The following POC1A variants were observed in gnomAD, a reference collection of about 807,000 sequenced individuals.
POC1A encodes POC1 centriolar protein homolog A.
A neutral mutation model predicts 47.8 loss-of-function variants in POC1A; 34 were observed. The observed-to-expected ratio is 0.71, with a 90% CI of 0.54 to 0.95. The LOEUF (loss-of-function observed/expected upper bound fraction) is 0.95. Ranked by LOEUF, POC1A falls within the 40% of genes least tolerant of loss-of-function variation. The pLI, the probability that POC1A is intolerant of heterozygous loss-of-function variation, is 0.00. For synonymous variants in POC1A, 177 were observed against 207.6 expected (o/e 0.85, Z 1.27); for missense variants, 466 against 528.3 (o/e 0.88, Z 1.16).
At chr3:52,110,432 G>A (rs780199605) in intron 9 of POC1A, among the ~76,000 whole-genome samples, 23 of 152,194 alleles carry the variant, frequency 1.5e-4, no homozygotes, top group Non-Finnish European at 2.5e-4. Flanking sequence ...TCAGACTTAA[G>A]CGACAGGTTT....
In POC1A at chr3:52,094,691, G is replaced by A. The variant is rs565352355; in HGVS notation, c.1125+1878C>T. On this transcript the variant is annotated intron_variant, in intron 10 of 10. Transcript: ENST00000296484. ...ATTGAGTCCGTCAAGAACATGCCTC[G>A]CTTTATGGCATCCAGAAACACACAG... 2.0e-5 allele frequency among the ~76,000 whole-genome samples: 3 copies of A among 152,332 alleles called. No individual in the cohort carries two copies. The East Asian group carries it at 5.8e-4, about 29-fold the overall frequency.
intron 3 of POC1A, 95 bp from the exon 4 acceptor site, chr3:52,149,484 C>A: frequency 8.2e-7 from 1 of 1,212,834 alleles, no homozygotes; most frequent in South Asian, 1.3e-5. Context: ...AAGCACCCCT[C>A]CCAAAGTCAG....
intron 4 of POC1A, among the ~76,000 whole-genome samples, chr3:52,148,360 T>C (rs1446724779): frequency 1.3e-5 from 2 of 152,124 alleles, no homozygotes; most frequent in Non-Finnish European, 2.9e-5. Context: ...TGGAGAACAG[T>C]AACTTGTATG....
At chr3:52,099,775 CA>C (rs1277576743) in intron 9 of POC1A, among the ~76,000 whole-genome samples, 6 of 152,108 alleles carry the variant, frequency 3.9e-5, no homozygotes, top group Non-Finnish European at 2.9e-5. Context: ...CACTTGAACC[CA>C]GGAGGTGGAG....
At chr3:52,129,108 C>T (rs1176714526) in intron 7 of POC1A, among the ~76,000 whole-genome samples, 1 of 151,978 alleles carries the variant, frequency 6.6e-6, no homozygotes, top group East Asian at 1.9e-4. Context: ...GGCGAAACCC[C>T]ATCTCTACTA....
At chr3:52,099,818 T>G (rs1577833969) in intron 9 of POC1A, among the ~76,000 whole-genome samples, 1 of 152,146 alleles carries the variant, frequency 6.6e-6, no homozygotes, top group African/African-American at 2.4e-5. Flanking sequence ...ACCACTGCAC[T>G]CCAGCCTGGG....
At chr3:52,099,361 G>A (rs1702922275) in intron 9 of POC1A, among the ~76,000 whole-genome samples, 1 of 152,220 alleles carries the variant, frequency 6.6e-6, no homozygotes, top group African/African-American at 2.4e-5. Flanking sequence ...GGGCAAATAA[G>A]CAAGAAAGCA....
At chr3:52,140,440 G>A (rs1338674148) in intron 6 of POC1A, among the ~76,000 whole-genome samples, 1 of 152,196 alleles carries the variant, frequency 6.6e-6, no homozygotes, top group Non-Finnish European at 1.5e-5. Flanking sequence ...GGAACAGCCG[G>A]TGGCAGGAGG....
chr3:52,125,081 T>C (rs772284038), intron 8 of POC1A, 32 bp downstream of exon 8: 12 of 1,509,888 alleles, frequency 7.9e-6, no homozygotes, highest in Middle Eastern at 3.4e-4. Flanking sequence ...GATTCCCTTC[T>C]TCACCATTCC....
intron 10 of POC1A, among the ~76,000 whole-genome samples, chr3:52,085,575 T>C (rs1051111362): frequency 1.4e-5 from 2 of 147,482 alleles, no homozygotes; most frequent in Admixed American, 1.3e-4. Flanking sequence ...CTCCTTGCCC[T>C]GGCCCCGCTG....
chr3:52,111,369 G>A (rs1190105560), intron 9 of POC1A, among the ~76,000 whole-genome samples: 3 of 152,052 alleles, frequency 2.0e-5, no homozygotes, highest in East Asian at 1.9e-4. Flanking sequence ...TCTGCAGGCC[G>A]GGCACGGTGG....
intron 10 of POC1A, among the ~76,000 whole-genome samples, chr3:52,082,297 G>C (rs2106929828): frequency 6.6e-6 from 1 of 152,312 alleles, no homozygotes; most frequent in South Asian, 2.1e-4. Flanking sequence ...GTCAGCGATG[G>C]GCTGAACGTC....
intron 6 of POC1A, among the ~76,000 whole-genome samples, chr3:52,141,227 A>G (rs1456354349): frequency 6.6e-6 from 1 of 152,184 alleles, no homozygotes; most frequent in African/African-American, 2.4e-5. Flanking sequence ...ACCTGAGTAC[A>G]CCCACTCCAT....
chr3:52,140,521 T>C (rs1334603655), intron 6 of POC1A, among the ~76,000 whole-genome samples: 1 of 152,160 alleles, frequency 6.6e-6, no homozygotes, highest in Non-Finnish European at 1.5e-5. Flanking sequence ...GGTCAGTGTA[T>C]GGATGCCACA....
chr3:52,153,740 G>A (rs557427758), intron 1 of POC1A, among the ~76,000 whole-genome samples: 3 of 152,342 alleles, frequency 2.0e-5, no homozygotes, highest in East Asian at 3.9e-4. Context: ...TACCAGATTA[G>A]GAGTCAAAAG....
chr3:52,123,524 G>A (rs1206556673), intron 8 of POC1A, among the ~76,000 whole-genome samples: 1 of 152,208 alleles, frequency 6.6e-6, no homozygotes, highest in African/African-American at 2.4e-5. Flanking sequence ...TCTTCAGGAG[G>A]CTCCTCACCA....
In POC1A at chr3:52,146,020, C is replaced by T. The variant is rs1284177885; in HGVS notation, c.564-59G>A. 12 of 1,037,998 alleles carry T rather than the reference C, an allele frequency of 1.2e-5. No individual in the cohort carries two copies. In the African/African-American group the frequency reaches 1.7e-4, roughly 15 times the overall value. The allele number at this position is 1,037,998 out of a possible 1,614,324, so 64.3% of individuals were successfully genotyped here. ...GGTCTGCCCTGGTTCAGGACGGACC[C>T]AGAAACATTTGGTGCTTTCCCCATC... is the stretch of plus-strand genomic sequence containing the variant. On this transcript the variant is annotated intron_variant, in intron 5 of 10. Coordinates refer to ENST00000296484, the MANE Select transcript of POC1A (RefSeq NM_015426.5).
At chr3:52,148,374 TC>T (rs1698438172) in intron 4 of POC1A, among the ~76,000 whole-genome samples, 2 of 152,078 alleles carry the variant, frequency 1.3e-5, no homozygotes, top group South Asian at 4.1e-4. Context: ...TTGTATGGGG[TC>T]CCCAGAAGAA....
chr3:52,149,081 C>T (rs1349969595), intron 4 of POC1A, 129 bp downstream of exon 4: 9 of 691,264 alleles, frequency 1.3e-5, no homozygotes, highest in South Asian at 5.4e-5. Context: ...ATAAGGAAAC[C>T]GAGGCTGAGG....
Sources: gnomAD v4.1 joint callset for allele counts (sites outside exome capture counted in the v4.1 genomes callset) on GRCh38, gnomAD v4.1.1 for gene constraint, MANE v1.5 for transcripts, NCBI Gene and HGNC (gene_info 2026-07-23, HGNC 2026-07-21) for gene names.